Variants in TASP1 observed in about 807,000 individuals in gnomAD.
TASP1 encodes the protein taspase 1.
TASP1 carries 16 observed loss-of-function variants against 56.6 expected under a neutral mutation model. That is an observed-to-expected ratio of 0.28 (90% CI 0.19 to 0.43). The LOEUF is 0.43. TASP1 is among the 20% of genes least tolerant of loss of function. The pLI is 1.00. For synonymous variants in TASP1, 179 were observed against 184.2 expected (o/e 0.97, Z 0.23); for missense variants, 393 against 511.6 (o/e 0.77, Z 2.24).
chr20:13,308,564 G>A, the TASP1 span, among the ~76,000 whole-genome samples: 2 of 152,100 alleles, frequency 1.3e-5, no homozygotes, highest in Non-Finnish European at 2.9e-5. Flanking sequence ...AGTGGAAACA[G>A]TTTAAATTGT....
At chr20:13,404,520 C>T (rs1167331314) in intron 13 of TASP1, among the ~76,000 whole-genome samples, 1 of 152,088 alleles carries the variant, frequency 6.6e-6, no homozygotes, top group African/African-American at 2.4e-5. Flanking sequence ...GCAAGAGGAT[C>T]GTTTGAGCCC....
At chr20:13,422,909 A>G (rs182380590) in intron 12 of TASP1, among the ~76,000 whole-genome samples, 1 of 152,340 alleles carries the variant, frequency 6.6e-6, no homozygotes, top group Admixed American at 6.5e-5. Context: ...TGGATTACAA[A>G]TAAATGTTAG....
chr20:13,624,154 T>C (rs2048809439), intron 3 of TASP1, among the ~76,000 whole-genome samples: 1 of 152,204 alleles, frequency 6.6e-6, no homozygotes, highest in South Asian at 2.1e-4. Flanking sequence ...ATTATTAACA[T>C]TCCAATTTAG....
the TASP1 span, among the ~76,000 whole-genome samples, chr20:13,251,161 A>T: frequency 2.0e-5 from 3 of 152,030 alleles, no homozygotes; most frequent in South Asian, 6.2e-4. Context: ...AGCCCTGGGG[A>T]TTTCTTTCAC....
the TASP1 span, among the ~76,000 whole-genome samples, chr20:13,107,775 CTT>C: frequency 6.6e-4 from 94 of 141,978 alleles, 1 homozygote; most frequent in African/African-American, 1.1e-3. Flanking sequence ...GGAAAATGAC[CTT>C]TTTTTTTTTT....
the TASP1 span, among the ~76,000 whole-genome samples, chr20:13,251,340 C>A: frequency 6.6e-6 from 1 of 152,222 alleles, no homozygotes; most frequent in Non-Finnish European, 1.5e-5. Context: ...CAGTTCTTAA[C>A]CTTCAAACTG....
At chr20:13,245,206 GA>G in the TASP1 span, 1 of 152,146 alleles carries the variant, frequency 6.6e-6, no homozygotes. Flanking sequence ...TATTATCTCA[GA>G]ACTTCCATGG....
chr20:13,225,478 A>C, the TASP1 span, among the ~76,000 whole-genome samples: 3 of 152,150 alleles, frequency 2.0e-5, no homozygotes, highest in Admixed American at 2.0e-4. Context: ...TATATGTATA[A>C]ATGTTATCTA....
chr20:13,490,359 C>T (rs183520599), intron 10 of TASP1, among the ~76,000 whole-genome samples: 5 of 152,180 alleles, frequency 3.3e-5, no homozygotes, highest in African/African-American at 7.2e-5. Context: ...TCATGTGACA[C>T]CACTTCAGTG....
At chr20:13,487,012 T>C (rs1370929183) in intron 10 of TASP1, among the ~76,000 whole-genome samples, 5 of 152,100 alleles carry the variant, frequency 3.3e-5, no homozygotes, top group African/African-American at 9.7e-5. Context: ...AAAAAAGGCA[T>C]AAAGAACAGA....
intron 10 of TASP1, among the ~76,000 whole-genome samples, chr20:13,490,780 G>A (rs2043499008): frequency 6.6e-6 from 1 of 152,072 alleles, no homozygotes; most frequent in Non-Finnish European, 1.5e-5. Context: ...ATCCAGCAGG[G>A]TGACTTTGGG....
chr20:13,434,065 T>C (rs1292444075), intron 12 of TASP1, among the ~76,000 whole-genome samples: 4 of 152,074 alleles, frequency 2.6e-5, no homozygotes, highest in Non-Finnish European at 5.9e-5. Flanking sequence ...GTGTTAAAAG[T>C]GAGCATACTG....
At chr20:13,381,018 G>A in the TASP1 span, among the ~76,000 whole-genome samples, 1 of 152,170 alleles carries the variant, frequency 6.6e-6, no homozygotes, top group East Asian at 1.9e-4. Context: ...GGGCTCCATG[G>A]GGGTGGGATC....
chr20:13,281,718 G>T, the TASP1 span, among the ~76,000 whole-genome samples: 1 of 152,188 alleles, frequency 6.6e-6, no homozygotes, highest in African/African-American at 2.4e-5. Flanking sequence ...AGATAGGAAT[G>T]GGAGGAAAAG....
At chr20:13,627,109 C>G (rs2048922759) in intron 2 of TASP1, among the ~76,000 whole-genome samples, 1 of 152,072 alleles carries the variant, frequency 6.6e-6, no homozygotes, top group African/African-American at 2.4e-5. Context: ...CCATAAACTT[C>G]ATTTTTCAAA....
intron 6 of TASP1, among the ~76,000 whole-genome samples, chr20:13,576,299 A>G (rs1167824599): frequency 6.8e-6 from 1 of 146,252 alleles, no homozygotes; most frequent in Non-Finnish European, 1.5e-5. Flanking sequence ...GAAGGGAAGG[A>G]GAGAGAGAGA....
At chr20:13,617,138 C>CA (rs754625625) in intron 4 of TASP1, 4 of 440,418 alleles carry the variant, frequency 9.1e-6, no homozygotes, top group South Asian at 3.2e-5. Context: ...AAAAATAAAA[C>CA]AAAAAATGCA....
the TASP1 span, among the ~76,000 whole-genome samples, chr20:13,382,537 T>C: frequency 2.6e-5 from 4 of 152,048 alleles, no homozygotes; most frequent in African/African-American, 7.2e-5. Context: ...TCCCAGCTAG[T>C]TGGGAGGCTG....
chr20:13,286,874 C>T, the TASP1 span, among the ~76,000 whole-genome samples: 2 of 152,228 alleles, frequency 1.3e-5, no homozygotes, highest in South Asian at 4.1e-4. Context: ...GTACTCCCTC[C>T]CGGCAAGGGG....
Sources: gnomAD v4.1 joint callset for allele counts (sites outside exome capture counted in the v4.1 genomes callset) on GRCh38, gnomAD v4.1.1 for gene constraint, MANE v1.5 for transcripts, NCBI Gene and HGNC (gene_info 2026-07-23, HGNC 2026-07-21) for gene names.